Variants in SEMA3C observed in about 807,000 individuals in gnomAD.
SEMA3C encodes semaphorin 3C, also known as semaphorin-3C.
SEMA3C carries 47 observed loss-of-function variants against 89.4 expected under a neutral mutation model. That is an observed-to-expected ratio of 0.53 (90% CI 0.42 to 0.67). The LOEUF is 0.67. Among genes scored for constraint, SEMA3C ranks in the 30% least tolerant of loss-of-function variants. SEMA3C has a pLI of 0.00. For missense variants in SEMA3C, 839 were observed against 929.1 expected (o/e 0.90, Z 1.26); for synonymous variants, 310 against 320.2 (o/e 0.97, Z 0.34).
intron 2 of SEMA3C, among the ~76,000 whole-genome samples, chr7:80,868,313 G>T (rs2116033238): frequency 6.6e-6 from 1 of 151,762 alleles, no homozygotes; most frequent in South Asian, 2.1e-4. Context: ...TGTCACCCAG[G>T]CTGGAGTGCA....
intron 12 of SEMA3C, among the ~76,000 whole-genome samples, chr7:80,785,901 C>T (rs1788790898): frequency 6.6e-6 from 1 of 152,370 alleles, no homozygotes; most frequent in East Asian, 1.9e-4. Context: ...AGCCACTGTG[C>T]CTGGCCACAG....
At chr7:80,902,154 T>C (rs1791896589) in intron 2 of SEMA3C, among the ~76,000 whole-genome samples, 2 of 152,206 alleles carry the variant, frequency 1.3e-5, no homozygotes, top group Non-Finnish European at 2.9e-5. Flanking sequence ...GATTTTACCA[T>C]GTTACCTAGG....
intron 12 of SEMA3C, among the ~76,000 whole-genome samples, chr7:80,782,324 T>C (rs1011792425): frequency 5.9e-5 from 9 of 152,188 alleles, no homozygotes; most frequent in African/African-American, 1.9e-4. Context: ...AAGATTAATC[T>C]TGTTCACATG....
chr7:80,813,184 C>CT (rs1022556676), intron 5 of SEMA3C, among the ~76,000 whole-genome samples: 4 of 152,010 alleles, frequency 2.6e-5, no homozygotes, highest in African/African-American at 4.8e-5. Context: ...GAATGTATGA[C>CT]TTTTTTCATT....
Position 80,828,763 on chromosome 7 carries a change from A to G in SEMA3C, c.104-18T>C, listed in dbSNP as rs1789940725. The G allele has an allele frequency of 6.3e-7, 1 of 1,588,080 alleles. No individual in the cohort carries two copies. Among genetic ancestry groups the G allele is most frequent in the Non-Finnish European group, 8.6e-7 (1 of 1,162,610 alleles). On this transcript the variant is annotated intron_variant, in intron 2 of 17. Coordinates refer to ENST00000265361, the MANE Select transcript of SEMA3C (RefSeq NM_006379.5). ...TCGAAGTTCTGAAAGAGTGAACAGC[A>G]CAAGTGTAGATACAGTATCCTGGTT...
At chr7:80,881,045 T>C (rs895221645) in intron 2 of SEMA3C, among the ~76,000 whole-genome samples, 1 of 152,048 alleles carries the variant, frequency 6.6e-6, no homozygotes, top group Non-Finnish European at 1.5e-5. Flanking sequence ...AAAATTACAA[T>C]TCTGATGATA....
intron 2 of SEMA3C, among the ~76,000 whole-genome samples, chr7:80,871,001 G>A (rs1360353901): frequency 6.6e-6 from 1 of 152,134 alleles, no homozygotes; most frequent in Non-Finnish European, 1.5e-5. Context: ...ACAAGATTTG[G>A]CCACCTTTAA....
upstream of SEMA3C, chr7:80,919,279 G>A (rs1256785483): frequency 1.0e-6 from 1 of 983,910 alleles, no homozygotes; most frequent in Non-Finnish European, 1.2e-6. Flanking sequence ...TAGAGCTCGC[G>A]GCTGGCCAGA....
At chr7:80,842,485 C>T (rs1790292470) in intron 2 of SEMA3C, among the ~76,000 whole-genome samples, 2 of 152,134 alleles carry the variant, frequency 1.3e-5, no homozygotes, top group African/African-American at 4.8e-5. Flanking sequence ...CCCATTGAGA[C>T]AAACATTAGC....
chr7:80,823,566 C>T (rs1789803424), intron 4 of SEMA3C, among the ~76,000 whole-genome samples: 1 of 152,064 alleles, frequency 6.6e-6, no homozygotes, highest in South Asian at 2.1e-4. Flanking sequence ...CTTTCTTCTT[C>T]TTGGTCTATA....
chr7:80,750,497 CACACAT>C (rs1330867709), intron 16 of SEMA3C, among the ~76,000 whole-genome samples: 40 of 141,798 alleles, frequency 2.8e-4, no homozygotes, highest in African/African-American at 9.4e-4. Flanking sequence ...CACACACACA[CACACAT>C]ACACACACAC....
intron 10 of SEMA3C, 80 bp downstream of exon 10, chr7:80,800,677 G>T: frequency 1.1e-6 from 1 of 892,434 alleles, no homozygotes; most frequent in South Asian, 1.6e-5. Flanking sequence ...AAGTTGCAGA[G>T]AAGAATGCTT....
rs79483405 is a variant in SEMA3C, at chr7:80,769,938, C to A, written c.1355-4695G>T. Among the ~76,000 whole-genome samples, 28 of 149,572 alleles carry A rather than the reference C, an allele frequency of 1.9e-4. No homozygotes were observed. In the East Asian group the frequency reaches 5.6e-3, roughly 30 times the overall value. ...TCCATTTGCAGTAAAAGTTACAATA[C>A]CACTTTTAGTCATTTCTCTTTTCCT... On this transcript the variant is annotated intron_variant, in intron 12 of 17. Coordinates refer to ENST00000265361, the MANE Select transcript of SEMA3C (RefSeq NM_006379.5).
intron 14 of SEMA3C, among the ~76,000 whole-genome samples, chr7:80,760,431 A>T (rs914675434): frequency 6.6e-6 from 1 of 152,186 alleles, no homozygotes; most frequent in African/African-American, 2.4e-5. Flanking sequence ...TCCACTCCCT[A>T]GGACATTAGA....
At chr7:80,756,481 C>A (rs1316384349) in intron 15 of SEMA3C, among the ~76,000 whole-genome samples, 5 of 152,192 alleles carry the variant, frequency 3.3e-5, no homozygotes, top group Admixed American at 2.0e-4. Flanking sequence ...CAAGCCAAAT[C>A]CAACCAGTTA....
At chr7:80,839,656 A>C (rs1394965921) in intron 2 of SEMA3C, among the ~76,000 whole-genome samples, 1 of 152,158 alleles carries the variant, frequency 6.6e-6, no homozygotes, top group Non-Finnish European at 1.5e-5. Context: ...ACTTGTAGGG[A>C]TATATTTTAA....
intron 2 of SEMA3C, among the ~76,000 whole-genome samples, chr7:80,896,406 T>C (rs1769962474): frequency 6.6e-6 from 1 of 152,230 alleles, no homozygotes; most frequent in Non-Finnish European, 1.5e-5. Context: ...TGTATGCTGT[T>C]ATTTAGCTAA....
At position 80,773,959 on chromosome 7, in the gene SEMA3C, A is replaced by G. The variant is rs189332391; in HGVS notation, c.1355-8716T>C. Among the ~76,000 whole-genome samples the G allele has an allele frequency of 2.2e-3, 335 of 152,310 alleles. 3 individuals carry two copies. Among genetic ancestry groups the G allele is most frequent in the Middle Eastern group, 0.017 (5 of 294 alleles). ...TTCTTGCCTCAGTCAGATCTCATTA[A>G]CACCTTGTTAAAAACCCTGACATCC... On this transcript the variant is annotated intron_variant, in intron 12 of 17. Transcript: ENST00000265361.
chr7:80,815,763 C>T (rs1396277083), intron 5 of SEMA3C, among the ~76,000 whole-genome samples: 1 of 152,038 alleles, frequency 6.6e-6, no homozygotes. Flanking sequence ...ATACCTATGA[C>T]ACTCTTGGTC....
Sources: gnomAD v4.1 joint callset for allele counts (sites outside exome capture counted in the v4.1 genomes callset) on GRCh38, gnomAD v4.1.1 for gene constraint, MANE v1.5 for transcripts, NCBI Gene and HGNC (gene_info 2026-07-23, HGNC 2026-07-21) for gene names.